FSHR: variants seen among roughly 807,000 people sequenced by gnomAD.
FSHR encodes the protein follicle stimulating hormone receptor.
In FSHR, 46 loss-of-function variants were observed where a neutral mutation model predicts 52.1. The ratio of observed to expected loss-of-function variants is 0.88; its 90% CI spans 0.70 to 1.13. The LOEUF (loss-of-function observed/expected upper bound fraction) is 1.13. FSHR is among the 50% of genes most tolerant of loss of function. The pLI, the probability that FSHR is intolerant of heterozygous loss-of-function variation, is 0.00. For synonymous variants in FSHR, 399 were observed against 309.6 expected (o/e 1.29, Z -3.03); for missense variants, 964 against 834.6 (o/e 1.16, Z -1.91).
rs1048994684 is a variant in FSHR at position 48,964,856 on chromosome 2, C to T, written c.855-890G>A. On this transcript the variant is annotated intron_variant, in intron 9 of 9. Coordinates refer to ENST00000406846, the MANE Select transcript of FSHR (RefSeq NM_000145.4). Reference sequence around the variant, plus strand: ...ATCCAGGTGATAAATATTCAATCCACGAGTATACCCATAAATATTCTACCC... The same window carrying T: ...ATCCAGGTGATAAATATTCAATCCATGAGTATACCCATAAATATTCTACCC... 4.6e-5 allele frequency among the ~76,000 whole-genome samples: 7 copies of T among 152,116 alleles called. No individual in the cohort carries two copies. The South Asian group carries it at 1.0e-3, about 23-fold the overall frequency.
At chr2:49,052,278 C>G (rs573397815) in intron 2 of FSHR, among the ~76,000 whole-genome samples, 2 of 152,138 alleles carry the variant, frequency 1.3e-5, no homozygotes, top group African/African-American at 2.4e-5. Context: ...AATATGACCT[C>G]ACTCCCAGCT....
chr2:49,104,852 G>C (rs1490290208), intron 1 of FSHR, among the ~76,000 whole-genome samples: 88 of 142,196 alleles, frequency 6.2e-4, no homozygotes, highest in African/African-American at 2.1e-3. Context: ...GGGTGGGAAA[G>C]AGATGGGGGG....
rs150561182 is a variant in FSHR at position 49,106,823 on chromosome 2, G to A, written c.153-38533C>T. ...GTACCGCTTCACAATGGTGGTCTGC[G>A]AGAAGGCTACATATGTGCAAGATGG... On this transcript the variant is annotated intron_variant, in intron 1 of 9. Transcript: ENST00000406846. 3.2e-3 allele frequency among the ~76,000 whole-genome samples: 486 copies of A among 152,242 alleles called. 4 individuals carry two copies. Among genetic ancestry groups the A allele is most frequent in the African/African-American group, 0.011 (442 of 41,580 alleles).
In FSHR at chr2:48,983,172, A is replaced by T. The variant is rs1288631458; in HGVS notation, c.525-6T>A. The T allele has an allele frequency of 6.2e-7, 1 of 1,613,772 alleles. No individual in the cohort carries two copies. The highest frequency in any genetic ancestry group is 8.5e-7 in the Non-Finnish European group (1 of 1,179,708). The stretch of plus-strand genomic sequence containing the variant: ...TCCCATTCTTATTCAGCCATCTGAA[A>T]TAAAAGGCCTATTAAAAAACCAATA... On this transcript the variant is annotated splice_region_variant and splice_polypyrimidine_tract_variant and intron_variant, in intron 6 of 9. Transcript: ENST00000406846.
At position 48,962,690 on chromosome 2, in the gene FSHR, C is replaced by A. The variant is rs1184310485; in HGVS notation, c.*43G>T. On this transcript the variant is annotated 3_prime_UTR_variant, in exon 10 of 10. Transcript: ENST00000406846. Reference sequence around the variant, plus strand: ...TGTGACATACCCTTCAAAGGCAAGACTGAATTATCATTCAATACTCAGATA... The same window carrying A: ...TGTGACATACCCTTCAAAGGCAAGAATGAATTATCATTCAATACTCAGATA... 6.3e-7 allele frequency: 1 copy of A among 1,582,662 alleles called. No homozygotes were observed. Among genetic ancestry groups the A allele is most frequent in the African/African-American group, 1.3e-5 (1 of 74,346 alleles).
intron 9 of FSHR, among the ~76,000 whole-genome samples, chr2:48,966,591 A>T (rs1674487670): frequency 6.6e-6 from 1 of 152,148 alleles, no homozygotes; most frequent in African/African-American, 2.4e-5. Flanking sequence ...TCAAAAGAAG[A>T]ATTTCATCAT....
At chr2:49,092,523 G>T (rs769302966) in intron 1 of FSHR, among the ~76,000 whole-genome samples, 1 of 152,140 alleles carries the variant, frequency 6.6e-6, no homozygotes, top group African/African-American at 2.4e-5. Context: ...TCTCTAGTCT[G>T]CTGAATGTTT....
At chr2:49,060,090 T>A (rs1558417180) in intron 2 of FSHR, among the ~76,000 whole-genome samples, 1 of 152,054 alleles carries the variant, frequency 6.6e-6, no homozygotes, top group Non-Finnish European at 1.5e-5. Context: ...CCAACACATA[T>A]ATGGAAAAAT....
intron 2 of FSHR, among the ~76,000 whole-genome samples, chr2:49,064,503 C>T (rs1669432684): frequency 6.6e-6 from 1 of 152,092 alleles, no homozygotes; most frequent in Non-Finnish European, 1.5e-5. Context: ...AAAGCCCTCA[C>T]CAGATGCTGG....
chr2:48,999,835 T>A (rs1351058455), intron 4 of FSHR, among the ~76,000 whole-genome samples: 1 of 152,142 alleles, frequency 6.6e-6, no homozygotes, highest in African/African-American at 2.4e-5. Context: ...CCAAACATAC[T>A]GACTTTGGAC....
intron 6 of FSHR, among the ~76,000 whole-genome samples, chr2:48,984,095 C>T (rs2104071595): frequency 6.6e-6 from 1 of 152,294 alleles, no homozygotes; most frequent in East Asian, 1.9e-4. Context: ...GTACAGAAAG[C>T]TGACCCAGAG....
At chr2:49,093,668 C>G (rs952571247) in intron 1 of FSHR, among the ~76,000 whole-genome samples, 2 of 148,324 alleles carry the variant, frequency 1.3e-5, no homozygotes, top group Non-Finnish European at 3.0e-5. Context: ...GATCGCAGCT[C>G]GCTGCAACCT....
intron 1 of FSHR, among the ~76,000 whole-genome samples, chr2:49,143,990 T>G (rs1504179): frequency 0.48 from 73,472 of 151,848 alleles, 17,931 homozygotes; most frequent in East Asian, 0.7. Context: ...AGAACAGTCA[T>G]GGGAGTGCCC....
chr2:49,085,256 C>G (rs920255733), intron 1 of FSHR, among the ~76,000 whole-genome samples: 3 of 152,242 alleles, frequency 2.0e-5, no homozygotes, highest in African/African-American at 7.2e-5. Context: ...ACATGATTAT[C>G]TCGATAGATG....
At chr2:49,144,126 A>G (rs1184629607) in intron 1 of FSHR, among the ~76,000 whole-genome samples, 3 of 152,042 alleles carry the variant, frequency 2.0e-5, no homozygotes, top group African/African-American at 4.8e-5. Flanking sequence ...TCTTTTCCCA[A>G]CCACCAGAAT....
chr2:49,099,648 G>T (rs1336886028), intron 1 of FSHR, among the ~76,000 whole-genome samples: 2 of 151,998 alleles, frequency 1.3e-5, no homozygotes, highest in Admixed American at 6.6e-5. Flanking sequence ...AGACATACAG[G>T]GAAAAGAATG....
intron 6 of FSHR, among the ~76,000 whole-genome samples, chr2:48,986,383 A>G (rs979007244): frequency 3.3e-5 from 4 of 121,292 alleles, no homozygotes; most frequent in Non-Finnish European, 6.6e-5. Flanking sequence ...CATCAGCGCC[A>G]TTTGCCATGC....
rs1357266616 is a variant in FSHR at position 49,068,112 on chromosome 2, C to G, written c.224+107G>C. On this transcript the variant is annotated intron_variant, in intron 2 of 9. Transcript: ENST00000406846. ...GAGGAGATGCAGAAAGTTTGGCTGA[C>G]CATGTCAGTTCGGCTACTAAGTGCA... 4.7e-6 allele frequency: 4 copies of G among 850,936 alleles called. No individual in the cohort carries two copies. In the South Asian group the frequency reaches 5.3e-5, roughly 11 times the overall value. 52.7% of individuals were successfully genotyped at this position (850,936 alleles called of 1,614,324 possible). A position where few individuals can be genotyped will look rare whatever the true frequency, so the allele number is the denominator to read the frequency against.
chr2:48,987,819 A>G (rs1171074891), intron 6 of FSHR, among the ~76,000 whole-genome samples: 1 of 134,354 alleles, frequency 7.4e-6, no homozygotes, highest in Non-Finnish European at 1.6e-5. Context: ...CCCTTTCTGC[A>G]CCCCATCACC....
Sources: allele counts gnomAD v4.1 joint callset (sites outside exome capture counted in the v4.1 genomes callset), GRCh38; gene constraint gnomAD v4.1.1; transcripts MANE v1.5; gene names NCBI Gene and HGNC (gene_info 2026-07-23, HGNC 2026-07-21).